PTPN5: variants seen among roughly 807,000 people sequenced by gnomAD.
PTPN5 encodes the protein protein tyrosine phosphatase non-receptor type 5, also known as tyrosine-protein phosphatase non-receptor type 5.
A neutral mutation model predicts 73.9 loss-of-function variants in PTPN5; 29 were observed. The observed-to-expected ratio is 0.39, with a 90% CI of 0.29 to 0.54. The LOEUF (loss-of-function observed/expected upper bound fraction) is 0.54. Among genes scored for constraint, PTPN5 ranks in the 20% least tolerant of loss-of-function variants. The probability of loss-of-function intolerance (pLI) is 0.65; values close to 1 mark genes in which losing one functional copy is unlikely to be tolerated. For missense variants in PTPN5, 652 were observed against 751.4 expected (o/e 0.87, Z 1.55); for synonymous variants, 267 against 304.7 (o/e 0.88, Z 1.29).
Position 18,765,314 on chromosome 11 carries a change from T to G in PTPN5, c.97+493A>C, listed in dbSNP as rs140357351. On this transcript the variant is annotated intron_variant, in intron 3 of 14. Coordinates refer to ENST00000358540, the MANE Select transcript of PTPN5 (RefSeq NM_006906.2). ...GCCTTGGTAATATCTCCACGGTGGC[T>G]GCAATGGCTTGGCTCCCTGCAACTG... Among the ~76,000 whole-genome samples the G allele has an allele frequency of 5.6e-3, 846 of 152,184 alleles. 1 individual carries two copies. The highest frequency in any genetic ancestry group is 0.01 in the Middle Eastern group (3 of 294).
At chr11:18,765,170 T>A (rs759624251) in intron 3 of PTPN5, among the ~76,000 whole-genome samples, 16 of 152,156 alleles carry the variant, frequency 1.1e-4, no homozygotes, top group Non-Finnish European at 1.9e-4. Context: ...CAATAAAAAC[T>A]TATAAAAAAA....
At chr11:18,732,892 A>C (rs1353103566) in intron 11 of PTPN5, among the ~76,000 whole-genome samples, 190 bp from the exon 12 acceptor site, 4 of 152,200 alleles carry the variant, frequency 2.6e-5, no homozygotes, top group Admixed American at 6.5e-5. Flanking sequence ...TCCTCTGGAA[A>C]ACAGAAGTGC....
intron 3 of PTPN5, among the ~76,000 whole-genome samples, chr11:18,757,039 A>C (rs1384585549): frequency 2.0e-5 from 3 of 152,154 alleles, no homozygotes; most frequent in Non-Finnish European, 4.4e-5. Context: ...TGAAATTCCA[A>C]AGTTTAGAGA....
chr11:18,765,001 C>T (rs866189903), intron 3 of PTPN5, among the ~76,000 whole-genome samples: 12 of 152,252 alleles, frequency 7.9e-5, no homozygotes, highest in South Asian at 4.1e-4. Flanking sequence ...CATGAGCCAC[C>T]GCACCTGGCC....
At chr11:18,784,503 A>G (rs1266460788) in intron 1 of PTPN5, among the ~76,000 whole-genome samples, 3 of 152,170 alleles carry the variant, frequency 2.0e-5, no homozygotes, top group Non-Finnish European at 4.4e-5. Flanking sequence ...GATGGGAATG[A>G]GGAATTAGTA....
chr11:18,740,605 A>G lies in PTPN5; in HGVS notation c.913T>C (p.Phe305Leu). ...GCGACCGGCTCAAGGGAACTCACAA[A>G]GAATTCCGCCTGCAGCAGGAAAGGG... Reference protein sequence around the residue: ...LDPFLLQAEFFEIPMNFVDPK... With the variant: ...LDPFLLQAEFLEIPMNFVDPK... The change falls in exon 8 of 15, where the codon TTT (phenylalanine) becomes CTT (leucine). Residue 305 changes from phenylalanine (F) to leucine (L), a missense_variant and splice_region_variant. Around this residue, in one of 3 missense-constraint regions of PTPN5, gnomAD observed 529 missense variants for 573.9 expected, o/e 0.92. Transcript: ENST00000358540. The G allele has an allele frequency of 6.4e-7, 1 of 1,561,634 alleles. No homozygotes were observed. Among genetic ancestry groups the G allele is most frequent in the South Asian group, 1.2e-5 (1 of 83,478 alleles).
At chr11:18,771,204 T>C (rs1460315735) in intron 2 of PTPN5, among the ~76,000 whole-genome samples, 2 of 152,122 alleles carry the variant, frequency 1.3e-5, no homozygotes, top group South Asian at 2.1e-4. Context: ...TACCCCTCAC[T>C]GTCAACGTGG....
Position 18,740,699 on chromosome 11 carries a change from G to A in PTPN5, c.819C>T (p.Ser273=), listed in dbSNP as rs533778490. ...AGGCGCTGAGCAGGTACTCGCGGGC[G>A]GACTCCTCACGTGGGGACATGAGAT... The part of the protein sequence containing the change: ...FGYLMSPREE[S]AREYLLSASR... Residue 273 remains serine (S), a synonymous_variant, in exon 8 of 15, where the codon TCC becomes TCT. Transcript: ENST00000358540. The A allele has an allele frequency of 2.3e-5, 37 of 1,609,356 alleles. No homozygotes were observed. The highest frequency in any genetic ancestry group is 5.0e-5 in the Admixed American group (3 of 59,598).
chr11:18,774,035 G>A (rs1008622154), intron 1 of PTPN5, among the ~76,000 whole-genome samples: 6 of 152,218 alleles, frequency 3.9e-5, no homozygotes, highest in African/African-American at 1.4e-4. Context: ...TTAAGCTCCA[G>A]CTTAATCTTG....
intron 4 of PTPN5, 86 bp from the exon 5 acceptor site, chr11:18,743,515 G>C: frequency 8.3e-7 from 1 of 1,208,688 alleles, no homozygotes; most frequent in Non-Finnish European, 1.2e-6. Context: ...GCCTCAACCT[G>C]GCCCTGCATG....
intron 3 of PTPN5, among the ~76,000 whole-genome samples, chr11:18,759,357 G>A (rs753405543): frequency 2.0e-5 from 3 of 152,074 alleles, no homozygotes; most frequent in African/African-American, 7.2e-5. Context: ...GAGGAATTTG[G>A]AACTCACAGC....
At chr11:18,763,573 A>G (rs1367521806) in intron 3 of PTPN5, among the ~76,000 whole-genome samples, 1 of 152,188 alleles carries the variant, frequency 6.6e-6, no homozygotes, top group East Asian at 1.9e-4. Flanking sequence ...GATTTAACCT[A>G]TTATGCTTAT....
rs535564912 is a variant in PTPN5 at position 18,729,735 on chromosome 11, G to A, written c.1413C>T (p.Leu471=). The A allele has an allele frequency of 1.9e-6, 3 of 1,605,458 alleles. No homozygotes were observed. The African/African-American group carries it at 4.0e-5, about 21-fold the overall frequency. Residue 471 remains leucine (L), a synonymous_variant, in exon 13 of 15, where the codon CTC becomes CTT. Transcript: ENST00000358540. This position sits in a 1 kb window ranked among gnomAD's most constrained non-coding sequence, Gnocchi z 5.2. The part of the protein sequence containing the change: ...DQKTPDRAPP[L]LHLVREVEEA... ...CCTCCACCTCCCGCACCAGGTGCAG[G>A]AGTGGGGGGGCCCGGTCTGGGGTCT...
chr11:18,778,800 C>G (rs1324309152), intron 1 of PTPN5, among the ~76,000 whole-genome samples: 1 of 152,192 alleles, frequency 6.6e-6, no homozygotes. Context: ...AATGAAATTG[C>G]TGCATTTCTT....
At chr11:18,745,137 T>G (rs576655418) in intron 3 of PTPN5, among the ~76,000 whole-genome samples, 2 of 152,332 alleles carry the variant, frequency 1.3e-5, no homozygotes, top group East Asian at 3.9e-4. Context: ...TCCCAGATAT[T>G]GGAGGTCTGC....
rs1440332814 is a variant in PTPN5 at position 18,729,404 on chromosome 11, T to C, written c.1604+49A>G. 1 of 916,198 alleles carries C rather than the reference T, an allele frequency of 1.1e-6. No homozygotes were observed. The highest frequency in any genetic ancestry group is 1.8e-6 in the Non-Finnish European group (1 of 556,536). 56.8% of individuals were successfully genotyped at this position (916,198 alleles called of 1,614,324 possible). ...CATGTGGGTCTCTCCCTCTACCCGC[T>C]CGGGGCTCTAGCTCCCTTGTGTGTC... is the stretch of plus-strand genomic sequence containing the variant. On this transcript the variant is annotated intron_variant, in intron 14 of 14. Coordinates refer to ENST00000358540, the MANE Select transcript of PTPN5 (RefSeq NM_006906.2). This position sits in a 1 kb window ranked among gnomAD's most constrained non-coding sequence, Gnocchi z 5.2.
chr11:18,784,228 T>C (rs759985835), intron 1 of PTPN5, among the ~76,000 whole-genome samples: 1 of 152,228 alleles, frequency 6.6e-6, no homozygotes, highest in African/African-American at 2.4e-5. Context: ...CCAATGTTCA[T>C]AGCCGTATTA....
At chr11:18,778,702 A>T (rs966515347) in intron 1 of PTPN5, among the ~76,000 whole-genome samples, 3 of 152,170 alleles carry the variant, frequency 2.0e-5, no homozygotes, top group African/African-American at 7.2e-5. Flanking sequence ...AGCCAAGCAG[A>T]CACCAGTGCC....
chr11:18,740,499 C>G (rs1321649609), intron 8 of PTPN5, 104 bp downstream of exon 8: 4 of 1,046,120 alleles, frequency 3.8e-6, no homozygotes, highest in Non-Finnish European at 5.2e-6. Context: ...TGATACTAAT[C>G]TACTGCAGAT....
Sources: gnomAD v4.1 joint callset for allele counts (sites outside exome capture counted in the v4.1 genomes callset) on GRCh38, gnomAD v4.1.1 for gene constraint, gnomAD v4.1.1 regional missense constraint, Gnocchi (gnomAD v3.1) non-coding constraint, MANE v1.5 for transcripts, NCBI Gene and HGNC (gene_info 2026-07-23, HGNC 2026-07-21) for gene names.